Variants in ATRN observed in about 807,000 individuals in gnomAD.
ATRN encodes attractin-2.
ATRN carries 54 observed loss-of-function variants against 178.7 expected under a neutral mutation model. The observed-to-expected ratio is 0.30, with a 90% CI of 0.24 to 0.38. ATRN has a LOEUF of 0.38. Among genes scored for constraint, ATRN ranks in the 10% least tolerant of loss-of-function variants. The pLI is 1.00. For missense variants in ATRN, 1,443 were observed against 1,815.1 expected (o/e 0.79, Z 3.73); for synonymous variants, 636 against 663.0 (o/e 0.96, Z 0.63).
In ATRN at chr20:3,540,403, C is replaced by T. The variant is rs558216469; in HGVS notation, c.608+68C>T. 16 of 1,008,250 alleles carry T rather than the reference C, an allele frequency of 1.6e-5. 1 individual carries two copies. In the South Asian group the frequency reaches 2.3e-4, roughly 15 times the overall value. The allele number at this position is 1,008,250 out of a possible 1,614,324, so 62.5% of individuals were successfully genotyped here. A position where few individuals can be genotyped will look rare whatever the true frequency, so the allele number is the denominator to read the frequency against. Reference sequence around the variant, plus strand: ...AAATTTAAACATATCTTCTGGATTGCATTCTTACTGGGTTCACCTTTATTA... The same window carrying T: ...AAATTTAAACATATCTTCTGGATTGTATTCTTACTGGGTTCACCTTTATTA... On this transcript the variant is annotated intron_variant, in intron 3 of 28. Coordinates refer to ENST00000262919, the MANE Select transcript of ATRN (RefSeq NM_139321.3).
intron 16 of ATRN, among the ~76,000 whole-genome samples, chr20:3,583,311 A>T (rs1228076693): frequency 6.6e-6 from 1 of 152,212 alleles, no homozygotes; most frequent in Non-Finnish European, 1.5e-5. Flanking sequence ...TGGGTCCCCA[A>T]ATTCTAAGGG....
At chr20:3,526,646 G>A (rs987471303) in intron 1 of ATRN, among the ~76,000 whole-genome samples, 9 of 152,122 alleles carry the variant, frequency 5.9e-5, no homozygotes, top group Non-Finnish European at 1.0e-4. Context: ...CAAGCAAAAA[G>A]AACAAAGCTG....
chr20:3,649,598 A>G lies in ATRN; in HGVS notation c.*2751A>G, dbSNP rs757456846. 6.6e-6 allele frequency: 1 copy of G among 152,192 alleles called. No individual in the cohort carries two copies. Among genetic ancestry groups the G allele is most frequent in the South Asian group, 2.1e-4 (1 of 4,822 alleles). 9.4% of individuals were successfully genotyped at this position (152,192 alleles called of 1,614,324 possible). On this transcript the variant is annotated 3_prime_UTR_variant, in exon 29 of 29. Transcript: ENST00000262919. ...AAAAATCAGGCAGGGAATCGAAACG[A>G]CAGTGCTGGAGGAGACTCAGGAAGC...
At chr20:3,573,724 G>A (rs889825471) in intron 12 of ATRN, among the ~76,000 whole-genome samples, 5 of 151,244 alleles carry the variant, frequency 3.3e-5, no homozygotes, top group Middle Eastern at 3.4e-3. Context: ...ACAGTGAAGC[G>A]ATATATTAAA....
In ATRN at chr20:3,646,779, A is replaced by G. The variant is rs549733567; in HGVS notation, c.4222A>G (p.Lys1408Glu). Residue 1408 changes from lysine to glutamate, a missense_variant, in exon 29 of 29, where the codon AAG (lysine) becomes GAG (glutamate). Physicochemically the swap from Lys to Glu is moderately conservative, Grantham distance 56 (BLOSUM62 1). This residue lies in a region of ATRN where 289 missense variants were observed against 440.8 expected (regional missense o/e 0.66). Transcript: ENST00000262919. ...TTCTCAGCAGATGCCGATAGTGTAC[A>G]AGGAGAAGTCAGGAGCCGTGAGAAA... ...DISQQMPIVYKEKSGAVRNRK... is the reference protein window; with the variant it reads ...DISQQMPIVYEEKSGAVRNRK... The G allele has an allele frequency of 6.2e-7, 1 of 1,610,040 alleles. No homozygotes were observed. The highest frequency in any genetic ancestry group is 1.3e-5 in the African/African-American group (1 of 75,002).
In ATRN at chr20:3,545,774, T is replaced by C. The variant is rs1291088449; in HGVS notation, c.621T>C (p.Val207=). 5 of 1,613,946 alleles carry C rather than the reference T, an allele frequency of 3.1e-6. No individual in the cohort carries two copies. Among genetic ancestry groups the C allele is most frequent in the Non-Finnish European group, 3.4e-6 (4 of 1,179,946 alleles). ...PLVAAFSGLI[V]PERDGNETVP... ...GTTTTCATTTCAGTGGCCTCATTGTTCCTGAGAGAGATGGCAATGAGACTG... is the reference window on the plus strand; with the variant it reads ...GTTTTCATTTCAGTGGCCTCATTGTCCCTGAGAGAGATGGCAATGAGACTG... The change falls in exon 4 of 29, where the codon GTT becomes GTC. Residue 207 remains valine (V), a synonymous_variant. Transcript: ENST00000262919.
intron 24 of ATRN, among the ~76,000 whole-genome samples, chr20:3,605,864 TAACA>T (rs1449423845): frequency 2.0e-5 from 3 of 152,292 alleles, no homozygotes; most frequent in East Asian, 1.9e-4. Flanking sequence ...TTTACCTATG[TAACA>T]AACCTATACA....
intron 1 of ATRN, among the ~76,000 whole-genome samples, chr20:3,511,686 T>A (rs2085130119): frequency 6.6e-6 from 1 of 152,120 alleles, no homozygotes; most frequent in South Asian, 2.1e-4. Flanking sequence ...TATGTTCTGT[T>A]CAAAAGAAGT....
chr20:3,566,807 T>C (rs2086041876), intron 11 of ATRN, among the ~76,000 whole-genome samples: 1 of 147,104 alleles, frequency 6.8e-6, no homozygotes, highest in Non-Finnish European at 1.5e-5. Context: ...CTTGGGAGGC[T>C]GAGGCAGGAG....
At chr20:3,614,800 C>T (rs1445905577) in intron 24 of ATRN, among the ~76,000 whole-genome samples, 1 of 152,030 alleles carries the variant, frequency 6.6e-6, no homozygotes, top group Non-Finnish European at 1.5e-5. Context: ...CCTCATTCCC[C>T]CCTCTTCCGG....
chr20:3,610,101 G>A (rs915099143), intron 24 of ATRN, among the ~76,000 whole-genome samples: 1 of 152,106 alleles, frequency 6.6e-6, no homozygotes, highest in Non-Finnish European at 1.5e-5. Context: ...CTTAAAAATG[G>A]TTAAAGTGAT....
chr20:3,583,459 T>C (rs886218569), intron 16 of ATRN, among the ~76,000 whole-genome samples: 4 of 152,236 alleles, frequency 2.6e-5, no homozygotes, highest in Non-Finnish European at 5.9e-5. Context: ...TTTATTGTTT[T>C]CTATTTTCTC....
At chr20:3,490,667 C>G (rs1422373464) in intron 1 of ATRN, 1 of 843,076 alleles carries the variant, frequency 1.2e-6, no homozygotes, top group Admixed American at 1.7e-5. Context: ...CTTGGATTCT[C>G]TGAGCCTTCA....
At chr20:3,540,410 A>C (rs1326461099) in intron 3 of ATRN, 75 bp downstream of exon 3, 1 of 925,746 alleles carries the variant, frequency 1.1e-6, no homozygotes, top group Non-Finnish European at 1.7e-6. Flanking sequence ...TTGCATTCTT[A>C]CTGGGTTCAC....
intron 1 of ATRN, among the ~76,000 whole-genome samples, chr20:3,509,123 C>T (rs1004686565): frequency 1.3e-5 from 2 of 152,074 alleles, no homozygotes; most frequent in Non-Finnish European, 2.9e-5. Context: ...AATAGCGAGA[C>T]AGTAGATTTA....
intron 1 of ATRN, among the ~76,000 whole-genome samples, chr20:3,515,496 T>C (rs2085195185): frequency 6.6e-6 from 1 of 152,132 alleles, no homozygotes; most frequent in Non-Finnish European, 1.5e-5. Flanking sequence ...GAAAAGGGTT[T>C]TAAGAAGAGA....
intron 24 of ATRN, among the ~76,000 whole-genome samples, chr20:3,612,669 A>G (rs1052823189): frequency 1.4e-4 from 21 of 152,196 alleles, no homozygotes; most frequent in Admixed American, 7.9e-4. Flanking sequence ...TATATTTGTT[A>G]GGTTATTTTC....
At chr20:3,587,584 CA>C (rs2086375776) in intron 18 of ATRN, among the ~76,000 whole-genome samples, 1 of 151,856 alleles carries the variant, frequency 6.6e-6, no homozygotes, top group Non-Finnish European at 1.5e-5. Flanking sequence ...TGCAGTTGAC[CA>C]ATGTTTCTCC....
intron 25 of ATRN, among the ~76,000 whole-genome samples, chr20:3,626,869 C>T (rs1005060994): frequency 7.5e-5 from 11 of 145,978 alleles, no homozygotes; most frequent in Non-Finnish European, 1.0e-4. Context: ...TGCAAGCAAC[C>T]GCCGCCTCCC....
Sources: gnomAD v4.1 joint callset for allele counts (sites outside exome capture counted in the v4.1 genomes callset) on GRCh38, gnomAD v4.1.1 for gene constraint, gnomAD v4.1.1 regional missense constraint, MANE v1.5 for transcripts, NCBI Gene and HGNC (gene_info 2026-07-23, HGNC 2026-07-21) for gene names.